The following GALNT17 variants were observed in gnomAD, a reference collection of about 807,000 sequenced individuals.
The protein encoded by GALNT17 is UDP-GalNAc:polypeptide N-acetylgalactosaminyltransferase-like 3.
GALNT17 carries 29 observed loss-of-function variants against 63.7 expected under a neutral mutation model. The ratio of observed to expected loss-of-function variants is 0.46; its 90% CI spans 0.34 to 0.62. The LOEUF is 0.62. Among genes scored for constraint, GALNT17 ranks in the 20% least tolerant of loss-of-function variants. GALNT17 has a pLI of 0.01. For synonymous variants in GALNT17, 305 were observed against 318.3 expected, an observed-to-expected ratio of 0.96 and a Z score of 0.45; for missense variants, 603 against 799.6, an observed-to-expected ratio of 0.75 and a Z score of 2.97.
chr7:71,447,195 C>A (rs1330186998), intron 5 of GALNT17, among the ~76,000 whole-genome samples: 2 of 152,218 alleles, frequency 1.3e-5, no homozygotes, highest in Non-Finnish European at 2.9e-5. Flanking sequence ...ACTTTAGGCA[C>A]TAGTCATAAA....
At chr7:71,267,171 A>C (rs1790505520) in intron 1 of GALNT17, among the ~76,000 whole-genome samples, 1 of 152,248 alleles carries the variant, frequency 6.6e-6, no homozygotes, top group Non-Finnish European at 1.5e-5. Context: ...AAGTTTCTGC[A>C]GCACCATGCA....
chr7:71,311,924 T>C (rs1470576135), intron 1 of GALNT17, among the ~76,000 whole-genome samples: 1 of 152,148 alleles, frequency 6.6e-6, no homozygotes, highest in Non-Finnish European at 1.5e-5. Flanking sequence ...AGAACTTGAC[T>C]CTGGACCGGA....
At chr7:71,555,766 T>C (rs965201840) in intron 5 of GALNT17, among the ~76,000 whole-genome samples, 1 of 152,228 alleles carries the variant, frequency 6.6e-6, no homozygotes, top group African/African-American at 2.4e-5. Flanking sequence ...GAGCCAGCAG[T>C]GAGCCCCACG....
At chr7:71,289,884 G>GAA (rs57075200) in intron 1 of GALNT17, among the ~76,000 whole-genome samples, 53 of 116,596 alleles carry the variant, frequency 4.5e-4, no homozygotes, top group African/African-American at 1.7e-3. Flanking sequence ...CGTCTCAAAA[G>GAA]AAAAAAAAAA....
chr7:71,555,930 G>A (rs757734153), intron 5 of GALNT17, among the ~76,000 whole-genome samples: 6 of 152,200 alleles, frequency 3.9e-5, no homozygotes, highest in African/African-American at 7.2e-5. Context: ...AGCAGTTAAC[G>A]TCAGGAATCT....
At chr7:71,346,324 T>C (rs757045099) in intron 2 of GALNT17, among the ~76,000 whole-genome samples, 7 of 152,184 alleles carry the variant, frequency 4.6e-5, no homozygotes, top group Admixed American at 3.9e-4. Context: ...AGCTGTCCAA[T>C]GAGTAATAAT....
At chr7:71,623,710 AC>A (rs1380720466) in intron 6 of GALNT17, among the ~76,000 whole-genome samples, 1 of 152,130 alleles carries the variant, frequency 6.6e-6, no homozygotes, top group Non-Finnish European at 1.5e-5. Context: ...TGCTGGGATT[AC>A]CGGCGTGAGC....
intron 1 of GALNT17, among the ~76,000 whole-genome samples, chr7:71,331,714 T>TA (rs11422489): frequency 0.48 from 71,840 of 150,768 alleles, 18,128 homozygotes; most frequent in African/African-American, 0.66. Flanking sequence ...GACCATCCCT[T>TA]AAAAAAAAAG....
chr7:71,457,527 G>A (rs1011529683), intron 5 of GALNT17, among the ~76,000 whole-genome samples: 5 of 152,204 alleles, frequency 3.3e-5, no homozygotes, highest in Admixed American at 6.5e-5. Flanking sequence ...GAGCAGCCCC[G>A]AAGGCTGCTG....
intron 6 of GALNT17, among the ~76,000 whole-genome samples, chr7:71,645,484 A>T (rs1790664026): frequency 6.6e-6 from 1 of 151,992 alleles, no homozygotes; most frequent in African/African-American, 2.4e-5. Context: ...CCTTTCCGCC[A>T]TGATTGTAAG....
chr7:71,284,965 G>T (rs2115777317), intron 1 of GALNT17, among the ~76,000 whole-genome samples: 1 of 152,044 alleles, frequency 6.6e-6, no homozygotes, highest in South Asian at 2.1e-4. Flanking sequence ...GGCATCCAAG[G>T]TGTTATGGGG....
chr7:71,309,983 T>G (rs1791387178), intron 1 of GALNT17, among the ~76,000 whole-genome samples: 1 of 152,272 alleles, frequency 6.6e-6, no homozygotes, highest in Non-Finnish European at 1.5e-5. Context: ...GTTCTCGTGA[T>G]AGCGAATAAG....
chr7:71,365,305 T>A (rs1368359229), intron 2 of GALNT17, among the ~76,000 whole-genome samples: 1 of 152,226 alleles, frequency 6.6e-6, no homozygotes, highest in Non-Finnish European at 1.5e-5. Context: ...AGTGGTGCGA[T>A]CTCAGCTCAC....
chr7:71,693,982 CT>C (rs1310407240), intron 9 of GALNT17, among the ~76,000 whole-genome samples: 1 of 152,034 alleles, frequency 6.6e-6, no homozygotes, highest in African/African-American at 2.4e-5. Context: ...TTTCATGCTG[CT>C]GATAAAGTCG....
intron 6 of GALNT17, among the ~76,000 whole-genome samples, chr7:71,605,126 AG>A (rs1363797098): frequency 6.6e-6 from 1 of 152,232 alleles, no homozygotes; most frequent in African/African-American, 2.4e-5. Flanking sequence ...ATATCTTGAA[AG>A]CTGGACACAT....
intron 1 of GALNT17, among the ~76,000 whole-genome samples, chr7:71,201,257 A>ATATATATATATATATAT (rs10526171): frequency 1.4e-4 from 21 of 148,234 alleles, no homozygotes; most frequent in Middle Eastern, 3.5e-3. Context: ...ATATATATAT[A>ATATATATATATATATAT]ATTTGTGTGT....
chr7:71,673,852 C>T (rs567303079), intron 8 of GALNT17, among the ~76,000 whole-genome samples: 2 of 152,320 alleles, frequency 1.3e-5, no homozygotes, highest in Admixed American at 6.5e-5. Flanking sequence ...GTCCTGGGCT[C>T]AAGCAATTCT....
intron 1 of GALNT17, among the ~76,000 whole-genome samples, chr7:71,301,957 A>G (rs1922526): frequency 0.55 from 83,539 of 151,926 alleles, 23,310 homozygotes; most frequent in East Asian, 0.83. Flanking sequence ...TAGGTACAAA[A>G]TGTCATCACA....
intron 2 of GALNT17, among the ~76,000 whole-genome samples, chr7:71,377,050 C>T (rs1792742424): frequency 7.2e-6 from 1 of 138,296 alleles, no homozygotes; most frequent in Non-Finnish European, 1.5e-5. Flanking sequence ...TGTGCCACTG[C>T]ACTCCAGCCC....
Sources: allele counts gnomAD v4.1 joint callset (sites outside exome capture counted in the v4.1 genomes callset), GRCh38; gene constraint gnomAD v4.1.1; transcripts MANE v1.5; gene names NCBI Gene and HGNC (gene_info 2026-07-23, HGNC 2026-07-21).